SLK: variants seen among roughly 807,000 people sequenced by gnomAD.
SLK encodes STE20-like serine/threonine-protein kinase.
In SLK, 67 loss-of-function variants were observed where a neutral mutation model predicts 147.7. The observed-to-expected ratio is 0.45, with a 90% confidence interval of 0.37 to 0.56. SLK has a LOEUF of 0.56. Ranked by LOEUF, SLK falls within the 20% of genes least tolerant of loss-of-function variation. The pLI is 0.00. For synonymous variants in SLK, 441 were observed against 475.0 expected, an observed-to-expected ratio of 0.93 and a Z score of 0.93; for missense variants, 1,136 against 1,438.8, an observed-to-expected ratio of 0.79 and a Z score of 3.41.
At chr10:103,980,963 A>C (rs1444093701) in intron 1 of SLK, among the ~76,000 whole-genome samples, 1 of 152,056 alleles carries the variant, frequency 6.6e-6, no homozygotes, top group African/African-American at 2.4e-5. Flanking sequence ...AAGAGTTCTA[A>C]TTTCTCCACA....
At chr10:104,021,579 A>T in intron 17 of SLK, 41 bp from the exon 18 acceptor site, 1 of 1,044,612 alleles carries the variant, frequency 9.6e-7, no homozygotes. Flanking sequence ...AAAATTGCTT[A>T]GTTGATCTGA....
At position 104,018,907 on chromosome 10, in the gene SLK, A is replaced by T; in HGVS notation, c.3131A>T (p.Lys1044Met). 3 of 1,561,938 alleles carry T rather than the reference A, an allele frequency of 1.9e-6. No individual in the cohort carries two copies. The highest frequency in any genetic ancestry group is 1.7e-6 in the Non-Finnish European group (2 of 1,159,154). The change falls in exon 15 of 19, where the codon AAG (lysine) becomes ATG (methionine). Residue 1044 changes from lysine to methionine, a missense_variant and splice_region_variant. Lys to Met is a moderately conservative substitution (Grantham distance 95, BLOSUM62 -1). Coordinates refer to ENST00000369755, the MANE Select transcript of SLK (RefSeq NM_014720.4). ...CATCAGCTACTTAAGCGCCACGAGA[A>T]GGTTAATGAAAGGAAAATTTCTTCA... The part of the protein sequence containing the change: ...QRHQLLKRHE[K>M]ETEQMQRYNQ...
At chr10:103,978,455 A>G (rs888121668) in intron 1 of SLK, among the ~76,000 whole-genome samples, 2 of 152,164 alleles carry the variant, frequency 1.3e-5, no homozygotes, top group South Asian at 2.1e-4. Context: ...CCTTTTTATT[A>G]TAAAAATCTG....
chr10:103,983,040 C>G (rs1278393032), intron 1 of SLK, among the ~76,000 whole-genome samples: 2 of 144,216 alleles, frequency 1.4e-5, no homozygotes, highest in Non-Finnish European at 3.0e-5. Context: ...ATATAATAAT[C>G]TATGTGAGGG....
Position 103,999,138 on chromosome 10 carries a change from A to G in SLK, c.607A>G (p.Met203Val). 2 of 1,608,798 alleles carry G rather than the reference A, an allele frequency of 1.2e-6. No individual in the cohort carries two copies. Among genetic ancestry groups the G allele is most frequent in the African/African-American group, 1.3e-5 (1 of 74,798 alleles). ...TCATAGGATGGCTCCTGAAGTAGTC[A>G]TGTGTGAAACATCTAAGGACAGACC... ...TPYWMAPEVV[M>V]CETSKDRPYD... The change falls in exon 6 of 19, where the codon ATG (methionine) becomes GTG (valine). Residue 203 changes from methionine (M) to valine (V), a missense_variant. By Grantham distance (21) the Met-to-Val change is conservative (BLOSUM62 1). Coordinates refer to ENST00000369755, the MANE Select transcript of SLK (RefSeq NM_014720.4).
At chr10:104,020,655 C>T (rs1172888066) in intron 17 of SLK, 42 bp downstream of exon 17, 2 of 1,586,284 alleles carry the variant, frequency 1.3e-6, no homozygotes, top group East Asian at 2.2e-5. Context: ...TAGGATGCGG[C>T]AGCACAAGTG....
intron 1 of SLK, among the ~76,000 whole-genome samples, chr10:103,987,026 T>A (rs188078677): frequency 8.5e-5 from 13 of 152,318 alleles, no homozygotes; most frequent in East Asian, 3.9e-4. Context: ...AGCTCTTTTT[T>A]AAAAATACTT....
chr10:104,011,647 G>A (rs11592073), intron 13 of SLK, among the ~76,000 whole-genome samples: 29,657 of 149,792 alleles, frequency 0.2, 3,151 homozygotes, highest in Non-Finnish European at 0.24. Flanking sequence ...TGCAGCCTCC[G>A]CCTCCTGGGT....
chr10:103,978,285 TCC>T (rs932031223), intron 1 of SLK, among the ~76,000 whole-genome samples: 1 of 152,168 alleles, frequency 6.6e-6, no homozygotes, highest in Non-Finnish European at 1.5e-5. Context: ...ATTACTTTAT[TCC>T]CATGTTTCTT....
intron 18 of SLK, among the ~76,000 whole-genome samples, chr10:104,023,479 A>G (rs805679): frequency 0.14 from 21,671 of 152,232 alleles, 1,775 homozygotes; most frequent in South Asian, 0.18. Flanking sequence ...TGAGAGTGAT[A>G]CTACCTATTT....
At chr10:104,000,331 T>C (rs1420995973) in intron 7 of SLK, among the ~76,000 whole-genome samples, 2 of 152,244 alleles carry the variant, frequency 1.3e-5, no homozygotes, top group Non-Finnish European at 2.9e-5. Flanking sequence ...TGGGTAAATT[T>C]AATTTTGCTT....
intron 13 of SLK, among the ~76,000 whole-genome samples, chr10:104,016,182 G>A (rs1844462077): frequency 6.6e-6 from 1 of 152,066 alleles, no homozygotes; most frequent in Non-Finnish European, 1.5e-5. Context: ...AGCTGGGCGT[G>A]GTGGTGGGCG....
intron 2 of SLK, among the ~76,000 whole-genome samples, chr10:103,991,650 C>T (rs563669521): frequency 6.6e-6 from 1 of 151,840 alleles, no homozygotes; most frequent in African/African-American, 2.4e-5. Flanking sequence ...AATGATCTAC[C>T]TCCCAAATTA....
At chr10:104,009,593 G>A (rs1334894182) in intron 12 of SLK, among the ~76,000 whole-genome samples, 6 of 152,002 alleles carry the variant, frequency 3.9e-5, no homozygotes, top group Non-Finnish European at 8.8e-5. Context: ...GGGGCTACAT[G>A]TTAATTTTCT....
chr10:104,019,785 AACAG>A lies in SLK; in HGVS notation c.3191_3194del (p.Gln1064LeufsTer26). 1 of 1,614,162 alleles carries A rather than the reference AACAG, an allele frequency of 6.2e-7. No individual in the cohort carries two copies. The highest frequency in any genetic ancestry group is 8.5e-7 in the Non-Finnish European group (1 of 1,179,990). Reference sequence around the variant, plus strand: ...TCAAAGACTTATTGAGGAATTGAAAAACAGACAGACTCAAGAAAGAGCAAGACTG... The same window carrying A: ...TCAAAGACTTATTGAGGAATTGAAAAACAGACTCAAGAAAGAGCAAGACTG... On this transcript the variant is annotated frameshift_variant, in exon 16 of 19. Transcript: ENST00000369755. LOFTEE classifies it high-confidence loss of function.
At chr10:103,991,954 G>A (rs918689367) in intron 2 of SLK, among the ~76,000 whole-genome samples, 36 of 151,688 alleles carry the variant, frequency 2.4e-4, no homozygotes, top group Non-Finnish European at 4.7e-4. Flanking sequence ...CAACTGTGAG[G>A]GGAAGTTTAG....
intron 12 of SLK, among the ~76,000 whole-genome samples, chr10:104,010,058 A>G (rs1477970396): frequency 6.6e-6 from 1 of 152,208 alleles, no homozygotes; most frequent in Non-Finnish European, 1.5e-5. Context: ...TGATTAAAAG[A>G]AGGAGCTCTA....
chr10:104,020,457 A>G (rs763882637), intron 16 of SLK, 31 bp from the exon 17 acceptor site: 31 of 1,595,180 alleles, frequency 1.9e-5, no homozygotes, highest in Non-Finnish European at 2.7e-5. Context: ...ATGCTTCTGA[A>G]CTATAGTTTA....
At chr10:103,975,191 T>G (rs1479208289) in intron 1 of SLK, among the ~76,000 whole-genome samples, 4 of 151,120 alleles carry the variant, frequency 2.6e-5, no homozygotes, top group African/African-American at 9.8e-5. Context: ...AAGACCTCCC[T>G]TTTGAACTCC....
Sources: allele counts gnomAD v4.1 joint callset (sites outside exome capture counted in the v4.1 genomes callset), GRCh38; gene constraint gnomAD v4.1.1; transcripts MANE v1.5; gene names NCBI Gene and HGNC (gene_info 2026-07-23, HGNC 2026-07-21).